EFNA5: variants seen among roughly 807,000 people sequenced by gnomAD.
EFNA5 encodes ephrin A5.
EFNA5 carries 5 observed loss-of-function variants against 22.9 expected under a neutral mutation model. The ratio of observed to expected loss-of-function variants is 0.22; its 90% CI spans 0.11 to 0.46. The LOEUF (loss-of-function observed/expected upper bound fraction) is 0.46, where lower values mean the gene tolerates loss of function less well. EFNA5 is among the 20% of genes least tolerant of loss of function. The pLI is 0.99. For missense variants in EFNA5, 237 were observed against 293.3 expected (o/e 0.81, Z 1.40); for synonymous variants, 113 against 112.2 (o/e 1.01, Z -0.04).
chr5:107,521,063 C>T (rs1357809132), intron 1 of EFNA5, among the ~76,000 whole-genome samples: 1 of 152,070 alleles, frequency 6.6e-6, no homozygotes, highest in Admixed American at 6.5e-5. Flanking sequence ...TATACAGATG[C>T]TCCTTTGACT....
intron 1 of EFNA5, among the ~76,000 whole-genome samples, chr5:107,511,284 C>T (rs1325079288): frequency 2.0e-5 from 3 of 152,120 alleles, no homozygotes; most frequent in Non-Finnish European, 4.4e-5. Flanking sequence ...CCTCGGCATC[C>T]CAAAGTGCTG....
At chr5:107,611,960 T>C (rs1749825765) in intron 1 of EFNA5, among the ~76,000 whole-genome samples, 2 of 152,242 alleles carry the variant, frequency 1.3e-5, no homozygotes. Context: ...GGGTAACTGC[T>C]TCTGTTCCTA....
rs571106552 is a variant in EFNA5, at chr5:107,538,851, G to C, written c.126-111342C>G. Among the ~76,000 whole-genome samples, 5 of 152,358 alleles carry C rather than the reference G, an allele frequency of 3.3e-5. No homozygotes were observed. The South Asian group carries it at 8.3e-4, about 25-fold the overall frequency. On this transcript the variant is annotated intron_variant, in intron 1 of 4. Transcript: ENST00000333274. The stretch of plus-strand genomic sequence containing the variant: ...CTGGGTGTAGGGGTTGGAGGAGAAT[G>C]TGTACCTTTCTAAGCAGTGGTTCCT...
intron 1 of EFNA5, among the ~76,000 whole-genome samples, chr5:107,666,360 C>T (rs1751066654): frequency 6.6e-6 from 1 of 152,106 alleles, no homozygotes; most frequent in Non-Finnish European, 1.5e-5. Flanking sequence ...TAGCCACATA[C>T]ATTTGACCTG....
At chr5:107,612,082 T>C (rs1007454398) in intron 1 of EFNA5, among the ~76,000 whole-genome samples, 1 of 152,154 alleles carries the variant, frequency 6.6e-6, no homozygotes, top group African/African-American at 2.4e-5. Context: ...CTTCAGAAGT[T>C]AACAAAGGAT....
At chr5:107,473,844 AG>A (rs1196279519) in intron 1 of EFNA5, among the ~76,000 whole-genome samples, 1 of 151,920 alleles carries the variant, frequency 6.6e-6, no homozygotes, top group Non-Finnish European at 1.5e-5. Flanking sequence ...CATTTTTAGT[AG>A]AGATGGGGTT....
chr5:107,571,236 G>C (rs1748797135), intron 1 of EFNA5, among the ~76,000 whole-genome samples: 1 of 152,152 alleles, frequency 6.6e-6, no homozygotes, highest in African/African-American at 2.4e-5. Context: ...AGCCAGAGTG[G>C]GAATTGCTCC....
At position 107,390,936 on chromosome 5, in the gene EFNA5, A is replaced by G. The variant is rs1255272154; in HGVS notation, c.419-3165T>C. Among the ~76,000 whole-genome samples the G allele has an allele frequency of 3.3e-5, 5 of 152,162 alleles. No homozygotes were observed. In the East Asian group the frequency reaches 7.7e-4, roughly 23 times the overall value. ...CACTGTGGGAGGCCAAGCCGGATGG[A>G]TCACTTAAGGCCAGGAGTTCGAGAC... On this transcript the variant is annotated intron_variant, in intron 2 of 4. Coordinates refer to ENST00000333274, the MANE Select transcript of EFNA5 (RefSeq NM_001962.3).
chr5:107,482,807 T>G lies in EFNA5; in HGVS notation c.126-55298A>C, dbSNP rs549091833. Reference sequence around the variant, plus strand: ...TTTCTTTTTGGCTGCTCTCTCTCTCTCTCTCTGTCTCTCTCTCTGTCTCTG... The same window carrying G: ...TTTCTTTTTGGCTGCTCTCTCTCTCGCTCTCTGTCTCTCTCTCTGTCTCTG... On this transcript the variant is annotated intron_variant, in intron 1 of 4. Coordinates refer to ENST00000333274, the MANE Select transcript of EFNA5 (RefSeq NM_001962.3). 4.8e-4 allele frequency among the ~76,000 whole-genome samples: 45 copies of G among 93,392 alleles called. No homozygotes were observed. The South Asian group carries it at 0.021, about 43-fold the overall frequency. The allele number at this position is 93,392 out of a possible 152,430, so 61.3% of individuals were successfully genotyped here.
At chr5:107,616,074 T>C (rs1300086865) in intron 1 of EFNA5, among the ~76,000 whole-genome samples, 4 of 152,326 alleles carry the variant, frequency 2.6e-5, no homozygotes, top group South Asian at 2.1e-4. Flanking sequence ...AAGTATTATA[T>C]TGAAATCAGT....
chr5:107,454,394 T>C (rs1406422214), intron 1 of EFNA5, among the ~76,000 whole-genome samples: 1 of 152,206 alleles, frequency 6.6e-6, no homozygotes, highest in African/African-American at 2.4e-5. Flanking sequence ...AGAATATATA[T>C]TTAATCATCC....
At chr5:107,641,727 T>G (rs959824467) in intron 1 of EFNA5, among the ~76,000 whole-genome samples, 2 of 152,202 alleles carry the variant, frequency 1.3e-5, no homozygotes, top group Admixed American at 6.5e-5. Flanking sequence ...AGTATAAATA[T>G]GTATAAAAGC....
intron 1 of EFNA5, among the ~76,000 whole-genome samples, chr5:107,564,266 C>T (rs1748613907): frequency 6.6e-6 from 1 of 152,186 alleles, no homozygotes. Context: ...AAAGGCAGAA[C>T]TTCTTGTCTC....
intron 1 of EFNA5, among the ~76,000 whole-genome samples, chr5:107,563,283 A>G (rs1376555140): frequency 1.3e-5 from 2 of 152,116 alleles, no homozygotes; most frequent in Non-Finnish European, 2.9e-5. Flanking sequence ...ACTTTCCCCA[A>G]GCACCCCACT....
intron 1 of EFNA5, among the ~76,000 whole-genome samples, chr5:107,548,631 C>T (rs922282116): frequency 6.6e-6 from 1 of 152,122 alleles, no homozygotes; most frequent in African/African-American, 2.4e-5. Context: ...GTACAGCTGA[C>T]GTGAGCTGTT....
intron 1 of EFNA5, among the ~76,000 whole-genome samples, chr5:107,558,080 T>G (rs563163635): frequency 6.6e-6 from 1 of 152,174 alleles, no homozygotes; most frequent in South Asian, 2.1e-4. Flanking sequence ...TATTTTGCAT[T>G]TTAAAAAAAG....
At chr5:107,495,637 C>G (rs543802977) in intron 1 of EFNA5, among the ~76,000 whole-genome samples, 23 of 152,288 alleles carry the variant, frequency 1.5e-4, no homozygotes, top group African/African-American at 5.5e-4. Context: ...TTCAGGGGAA[C>G]ACGAGGAAGT....
chr5:107,494,833 C>T (rs1387851462), intron 1 of EFNA5, among the ~76,000 whole-genome samples: 1 of 151,714 alleles, frequency 6.6e-6, no homozygotes, highest in Non-Finnish European at 1.5e-5. Context: ...GGTTTGTAAA[C>T]ACACCAATCA....
At chr5:107,516,898 C>A (rs180977218) in intron 1 of EFNA5, among the ~76,000 whole-genome samples, 150 of 152,218 alleles carry the variant, frequency 9.9e-4, no homozygotes, top group African/African-American at 3.4e-3. Flanking sequence ...TAAAAGAACA[C>A]ATATTGTATG....
Sources: gnomAD v4.1 joint callset for allele counts (sites outside exome capture counted in the v4.1 genomes callset) on GRCh38, gnomAD v4.1.1 for gene constraint, MANE v1.5 for transcripts, NCBI Gene and HGNC (gene_info 2026-07-23, HGNC 2026-07-21) for gene names.